Variants in RBFOX1 observed in about 807,000 individuals in gnomAD.
RBFOX1 encodes RNA binding fox-1 homolog 1, also known as RNA binding protein fox-1 homolog 1.
Under a neutral mutation model 57.7 loss-of-function variants are expected in RBFOX1, and 8 were observed. The observed-to-expected ratio is 0.14, with a 90% CI of 0.08 to 0.25. RBFOX1 has a LOEUF of 0.25. Among genes scored for constraint, RBFOX1 ranks in the 10% least tolerant of loss-of-function variants. The pLI, the probability that RBFOX1 is intolerant of heterozygous loss-of-function variation, is 1.00. For missense variants in RBFOX1, 611 were observed against 548.5 expected, an observed-to-expected ratio of 1.11 and a Z score of -1.14; for synonymous variants, 326 against 222.4, an observed-to-expected ratio of 1.47 and a Z score of -4.15.
intron 3 of RBFOX1, among the ~76,000 whole-genome samples, chr16:6,772,040 C>G (rs994772528): frequency 1.3e-5 from 2 of 152,116 alleles, no homozygotes; most frequent in African/African-American, 4.8e-5. Flanking sequence ...TAAGTATGCT[C>G]TAGGAAAACT....
chr16:7,446,046 G>A (rs62015750), intron 4 of RBFOX1, among the ~76,000 whole-genome samples: 2 of 151,972 alleles, frequency 1.3e-5, no homozygotes, highest in Non-Finnish European at 2.9e-5. Context: ...TGCTACAGCC[G>A]CTTTGCTCCC....
rs1491218767 is a variant in RBFOX1 at position 6,988,751 on chromosome 16, GTTT to G, written c.-15-63302_-15-63300del. ...AGCTAATTTTTTTTTTTGTTTGTTT[GTTT>G]TTTGTTTTTTGTTTTTTGTTTTTTG... On this transcript the variant is annotated intron_variant, in intron 3 of 15. Transcript: ENST00000550418. 6.4e-4 allele frequency among the ~76,000 whole-genome samples: 35 copies of G among 54,726 alleles called. 1 individual carries two copies. The highest frequency in any genetic ancestry group is 0.01 in the Middle Eastern group (1 of 96). 35.9% of individuals were successfully genotyped at this position (54,726 alleles called of 152,430 possible).
intron 2 of RBFOX1, among the ~76,000 whole-genome samples, chr16:6,594,877 C>T (rs946552166): frequency 3.9e-5 from 6 of 152,170 alleles, no homozygotes; most frequent in African/African-American, 1.4e-4. Context: ...TAACCTCCGC[C>T]TCCCGGGTTC....
chr16:6,823,075 C>G (rs750214758), intron 3 of RBFOX1, among the ~76,000 whole-genome samples: 24 of 151,992 alleles, frequency 1.6e-4, no homozygotes, highest in Non-Finnish European at 4.4e-5. Context: ...CAATTATTTC[C>G]ATTTTACAGA....
At position 6,397,823 on chromosome 16, in the gene RBFOX1, T is replaced by G. The variant is rs752462224; in HGVS notation, c.-64+80766T>G. Among the ~76,000 whole-genome samples, 10 of 152,324 alleles carry G rather than the reference T, an allele frequency of 6.6e-5. 1 individual carries two copies. The highest frequency in any genetic ancestry group is 1.2e-4 in the African/African-American group (5 of 41,586). ...TTAATGCTGAGTAGACTGTGCTGTGTTAAGATTACATAGTTAATTCTGAGA... is the reference window on the plus strand; with the variant it reads ...TTAATGCTGAGTAGACTGTGCTGTGGTAAGATTACATAGTTAATTCTGAGA... On this transcript the variant is annotated intron_variant, in intron 2 of 15. Transcript: ENST00000550418.
intron 4 of RBFOX1, among the ~76,000 whole-genome samples, chr16:7,211,412 AT>A (rs1400032159): frequency 1.1e-4 from 16 of 151,000 alleles, no homozygotes; most frequent in African/African-American, 3.4e-4. Context: ...AAAAAAAAAA[AT>A]TGGACTCTGG....
rs551601804 is a variant in RBFOX1, at chr16:7,484,669, G to C, written c.28-33478G>C. Reference sequence around the variant, plus strand: ...AGTAGAGACAAGGTTTCACCATGTTGGTCAGGCTGGTCTTGAACTCCTGGC... The same window carrying C: ...AGTAGAGACAAGGTTTCACCATGTTCGTCAGGCTGGTCTTGAACTCCTGGC... On this transcript the variant is annotated intron_variant, in intron 4 of 15. Transcript: ENST00000550418. Among the ~76,000 whole-genome samples the C allele has an allele frequency of 1.2e-4, 18 of 152,244 alleles. No individual in the cohort carries two copies. In the South Asian group the frequency reaches 3.5e-3, roughly 30 times the overall value.
chr16:5,778,027 C>T lies in RBFOX1; in HGVS notation c.319-89276C>T, dbSNP rs1015959828. 3.9e-5 allele frequency among the ~76,000 whole-genome samples: 6 copies of T among 152,274 alleles called. No individual in the cohort carries two copies. In the South Asian group the frequency reaches 6.2e-4, roughly 16 times the overall value. ...GGAGCATTAAGATACATGCTCAGAA[C>T]CCTAGGGCCAGTGCAGTGGTGAGCT... On this transcript the variant is annotated intron_variant, in intron 3 of 19. Coordinates refer to the RBFOX1 transcript ENST00000641259.
intron 1 of RBFOX1, among the ~76,000 whole-genome samples, chr16:5,320,880 A>G (rs1048755856): frequency 6.6e-6 from 1 of 152,176 alleles, no homozygotes; most frequent in Non-Finnish European, 1.5e-5. Context: ...ACCCACCATT[A>G]CATTCTGTCT....
chr16:5,928,424 A>C (rs2152242108), intron 4 of RBFOX1, among the ~76,000 whole-genome samples: 2 of 152,220 alleles, frequency 1.3e-5, no homozygotes. Context: ...AAAAAAAAAA[A>C]AGTATGTGAG....
At chr16:5,682,981 C>G (rs1028477859) in intron 3 of RBFOX1, among the ~76,000 whole-genome samples, 14 of 152,198 alleles carry the variant, frequency 9.2e-5, no homozygotes, top group African/African-American at 3.4e-4. Context: ...CAGGACAATT[C>G]TTTAACCTCT....
chr16:7,053,462 G>T (rs2050803783), intron 4 of RBFOX1, among the ~76,000 whole-genome samples: 1 of 152,144 alleles, frequency 6.6e-6, no homozygotes, highest in Non-Finnish European at 1.5e-5. Flanking sequence ...GATTTCTCTT[G>T]CTGTTTGGAT....
intron 3 of RBFOX1, among the ~76,000 whole-genome samples, chr16:6,887,949 A>C (rs915735983): frequency 7.2e-5 from 11 of 152,140 alleles, no homozygotes; most frequent in Non-Finnish European, 1.5e-4. Flanking sequence ...GGTGTGAGCC[A>C]CCACGCCTGT....
At chr16:6,168,486 G>C (rs2096934200) in intron 1 of RBFOX1, among the ~76,000 whole-genome samples, 1 of 152,132 alleles carries the variant, frequency 6.6e-6, no homozygotes, top group Non-Finnish European at 1.5e-5. Context: ...CCAGTTTCAT[G>C]ATCTGCAATG....
At chr16:6,370,586 A>G (rs1163368007) in intron 2 of RBFOX1, among the ~76,000 whole-genome samples, 4 of 152,150 alleles carry the variant, frequency 2.6e-5, no homozygotes. Flanking sequence ...ACCAGTCGCA[A>G]AAGGACAAAT....
chr16:7,371,662 A>G (rs1429064572), intron 4 of RBFOX1, among the ~76,000 whole-genome samples: 1 of 152,170 alleles, frequency 6.6e-6, no homozygotes, highest in Non-Finnish European at 1.5e-5. Context: ...AGGCAGGAGA[A>G]TCGCTTGAAC....
At chr16:5,479,346 C>G (rs539460908) in intron 2 of RBFOX1, among the ~76,000 whole-genome samples, 1 of 152,330 alleles carries the variant, frequency 6.6e-6, no homozygotes, top group South Asian at 2.1e-4. Context: ...GGTGATTTGC[C>G]TGAGGCCACA....
downstream of RBFOX1, among the ~76,000 whole-genome samples, chr16:5,603,397 G>A (rs2047432075): frequency 6.6e-6 from 1 of 152,186 alleles, no homozygotes; most frequent in East Asian, 1.9e-4. Context: ...AGCTAATGGG[G>A]AAGCAGTCTG....
chr16:6,891,436 T>C (rs2065388407), intron 3 of RBFOX1, among the ~76,000 whole-genome samples: 1 of 151,986 alleles, frequency 6.6e-6, no homozygotes, highest in South Asian at 2.1e-4. Flanking sequence ...AATAGTACCT[T>C]GTTGATGAAG....
Sources: gnomAD v4.1 joint callset for allele counts (sites outside exome capture counted in the v4.1 genomes callset) on GRCh38, gnomAD v4.1.1 for gene constraint, MANE v1.5 for transcripts, NCBI Gene and HGNC (gene_info 2026-07-23, HGNC 2026-07-21) for gene names.